MAPK10: variants seen among roughly 807,000 people sequenced by gnomAD.
MAPK10 encodes the protein JNK3 alpha protein kinase.
A neutral mutation model predicts 59.3 loss-of-function variants in MAPK10; 25 were observed. The observed-to-expected ratio is 0.42, with a 90% CI of 0.31 to 0.59. The LOEUF (loss-of-function observed/expected upper bound fraction) is 0.59, where lower values mean the gene tolerates loss of function less well. MAPK10 is among the 20% of genes least tolerant of loss of function. The probability of loss-of-function intolerance (pLI) is 0.15; values close to 1 mark genes in which losing one functional copy is unlikely to be tolerated. For synonymous variants in MAPK10, 190 were observed against 200.5 expected, an observed-to-expected ratio of 0.95 and a Z score of 0.44; for missense variants, 351 against 568.9, an observed-to-expected ratio of 0.62 and a Z score of 3.90.
chr4:86,523,316 T>C (rs1371152182), intron 1 of MAPK10, among the ~76,000 whole-genome samples: 1 of 152,216 alleles, frequency 6.6e-6, no homozygotes, highest in East Asian at 1.9e-4. Flanking sequence ...CATATCCTCC[T>C]ACTATAAGTC....
chr4:86,351,097 C>T (rs1731091649), intron 2 of MAPK10, among the ~76,000 whole-genome samples: 1 of 151,828 alleles, frequency 6.6e-6, no homozygotes, highest in South Asian at 2.1e-4. Flanking sequence ...AAGATTTGAC[C>T]CAAATGAACA....
chr4:86,513,765 T>C (rs1298901082), intron 1 of MAPK10, among the ~76,000 whole-genome samples: 1 of 152,212 alleles, frequency 6.6e-6, no homozygotes, highest in Admixed American at 6.5e-5. Context: ...TGTTAAGTTT[T>C]TGGAGAAGTA....
intron 2 of MAPK10, among the ~76,000 whole-genome samples, chr4:86,278,672 T>G (rs187762310): frequency 1.2e-3 from 189 of 152,274 alleles, no homozygotes; most frequent in African/African-American, 4.4e-3. Context: ...TATAGTCACC[T>G]TAACTGAGTG....
chr4:86,486,071 G>C (rs1753968944), intron 1 of MAPK10, among the ~76,000 whole-genome samples: 1 of 152,154 alleles, frequency 6.6e-6, no homozygotes, highest in Non-Finnish European at 1.5e-5. Flanking sequence ...TGATGTAGGA[G>C]AGGGGAAAAC....
At chr4:86,391,073 C>T (rs546089244) in intron 1 of MAPK10, among the ~76,000 whole-genome samples, 3 of 152,264 alleles carry the variant, frequency 2.0e-5, no homozygotes, top group Non-Finnish European at 4.4e-5. Flanking sequence ...TATTTGTACT[C>T]ATTTTCAGAT....
chr4:86,165,765 G>A (rs1018151824), intron 3 of MAPK10, among the ~76,000 whole-genome samples: 1 of 151,692 alleles, frequency 6.6e-6, no homozygotes, highest in African/African-American at 2.4e-5. Flanking sequence ...ATTAAATTTT[G>A]TTCTCTCAAG....
At chr4:86,372,027 T>G (rs1045937372) in intron 1 of MAPK10, among the ~76,000 whole-genome samples, 1 of 152,134 alleles carries the variant, frequency 6.6e-6, no homozygotes, top group Non-Finnish European at 1.5e-5. Flanking sequence ...CTGCACCAAG[T>G]GGACCTAATA....
chr4:86,413,648 T>G (rs1249612328), intron 1 of MAPK10, among the ~76,000 whole-genome samples: 1 of 152,226 alleles, frequency 6.6e-6, no homozygotes, highest in Non-Finnish European at 1.5e-5. Flanking sequence ...CCTGTCAAGC[T>G]GCAGCATTGC....
chr4:86,296,619 G>A (rs564355158), intron 2 of MAPK10, among the ~76,000 whole-genome samples: 35 of 152,266 alleles, frequency 2.3e-4, no homozygotes, highest in African/African-American at 8.4e-4. Flanking sequence ...TAAATATAAT[G>A]TTCTTTGCCC....
At chr4:86,018,796 T>G (rs1176030756) in intron 13 of MAPK10, among the ~76,000 whole-genome samples, 1 of 152,268 alleles carries the variant, frequency 6.6e-6, no homozygotes, top group Non-Finnish European at 1.5e-5. Flanking sequence ...ACTAAAATTA[T>G]ATCTTATTTG....
At chr4:86,084,501 A>G (rs1166447327) in intron 9 of MAPK10, among the ~76,000 whole-genome samples, 1 of 152,208 alleles carries the variant, frequency 6.6e-6, no homozygotes, top group Non-Finnish European at 1.5e-5. Flanking sequence ...CCCATTTATA[A>G]TATCTACAAA....
At chr4:86,467,745 C>A (rs2149064436) in intron 1 of MAPK10, among the ~76,000 whole-genome samples, 1 of 152,308 alleles carries the variant, frequency 6.6e-6, no homozygotes, top group East Asian at 1.9e-4. Context: ...GTCTCGATCT[C>A]TTGACCTCGT....
intron 1 of MAPK10, among the ~76,000 whole-genome samples, chr4:86,386,150 A>G (rs1300142250): frequency 6.6e-6 from 1 of 152,194 alleles, no homozygotes; most frequent in African/African-American, 2.4e-5. Context: ...ATGGGGGGGA[A>G]TCATGTCTAC....
intron 1 of MAPK10, among the ~76,000 whole-genome samples, chr4:86,542,008 G>T (rs985531918): frequency 1.4e-5 from 2 of 147,764 alleles, no homozygotes; most frequent in African/African-American, 2.5e-5. Flanking sequence ...GAAAAAGAAA[G>T]AAATAAAATA....
intron 1 of MAPK10, among the ~76,000 whole-genome samples, chr4:86,435,974 C>T (rs1239654434): frequency 6.6e-6 from 1 of 152,062 alleles, no homozygotes. Flanking sequence ...TTAATTTATA[C>T]CAAACATTTG....
chr4:86,109,558 C>G (rs2149088842), intron 4 of MAPK10, among the ~76,000 whole-genome samples: 1 of 152,310 alleles, frequency 6.6e-6, no homozygotes, highest in South Asian at 2.1e-4. Flanking sequence ...CTGCAAAGGA[C>G]AAGATGTCAT....
intron 1 of MAPK10, among the ~76,000 whole-genome samples, chr4:86,547,584 C>G (rs769760616): frequency 6.6e-6 from 1 of 152,176 alleles, no homozygotes; most frequent in Non-Finnish European, 1.5e-5. Context: ...CTAAGAGCGC[C>G]GCCCCCTGCT....
chr4:86,552,437 G>C lies in MAPK10; in HGVS notation c.-263+41473C>G, dbSNP rs1015821007. On this transcript the variant is annotated intron_variant, in intron 1 of 4. Coordinates refer to the MAPK10 transcript ENST00000502302. ...CCCTGTCTCAAAGAGAGGAAGGAAGGAAGGAAGGAAGGAAGGAAGGAAGGA... is the reference window on the plus strand; with the variant it reads ...CCCTGTCTCAAAGAGAGGAAGGAAGCAAGGAAGGAAGGAAGGAAGGAAGGA... Among the ~76,000 whole-genome samples the C allele has an allele frequency of 6.0e-5, 5 of 82,716 alleles. 1 individual carries two copies. Among genetic ancestry groups the C allele is most frequent in the Middle Eastern group, 0.011 (2 of 180 alleles). 54.3% of individuals were successfully genotyped at this position (82,716 alleles called of 152,430 possible). A position where few individuals can be genotyped will look rare whatever the true frequency, so the allele number is the denominator to read the frequency against.
chr4:86,454,579 A>G (rs1751070814), upstream of MAPK10, among the ~76,000 whole-genome samples: 1 of 152,144 alleles, frequency 6.6e-6, no homozygotes, highest in Non-Finnish European at 1.5e-5. Flanking sequence ...AATCCAACAA[A>G]GACAAAAAAG....
Sources: allele counts gnomAD v4.1 joint callset (sites outside exome capture counted in the v4.1 genomes callset), GRCh38; gene constraint gnomAD v4.1.1; transcripts MANE v1.5; gene names NCBI Gene and HGNC (gene_info 2026-07-23, HGNC 2026-07-21).